The following DOCK8 variants were observed in gnomAD, a reference collection of about 807,000 sequenced individuals.
DOCK8 encodes dedicator of cytokinesis 8, also known as dedicator of cytokinesis protein 8.
A neutral mutation model predicts 245.6 loss-of-function variants in DOCK8; 141 were observed. That is an observed-to-expected ratio of 0.57 (90% CI 0.50 to 0.66). DOCK8 has a LOEUF of 0.66. Among genes scored for constraint, DOCK8 ranks in the 30% least tolerant of loss-of-function variants. The pLI is 0.00. For missense variants in DOCK8, 2,965 were observed against 2,603.4 expected, an observed-to-expected ratio of 1.14 and a Z score of -3.02; for synonymous variants, 1,168 against 970.2, an observed-to-expected ratio of 1.20 and a Z score of -3.79.
At chr9:354,944 C>T (rs933882712) in intron 14 of DOCK8, among the ~76,000 whole-genome samples, 28 of 152,076 alleles carry the variant, frequency 1.8e-4, no homozygotes, top group African/African-American at 3.6e-4. Flanking sequence ...ACATCAGAAG[C>T]GAGTCACTAG....
At chr9:273,768 A>G (rs1192463897) in intron 2 of DOCK8, among the ~76,000 whole-genome samples, 1 of 151,092 alleles carries the variant, frequency 6.6e-6, no homozygotes, top group Non-Finnish European at 1.5e-5. Flanking sequence ...GCTCATCGCA[A>G]CCTCTGCCTC....
chr9:408,861 AACACACACACAC>A (rs71314709), intron 28 of DOCK8, among the ~76,000 whole-genome samples: 11,857 of 147,468 alleles, frequency 0.08, 608 homozygotes, highest in East Asian at 0.17. Flanking sequence ...ACATTCTTCA[AACACACACACAC>A]ACACACACAC....
chr9:237,038 A>G (rs1265770997), intron 1 of DOCK8, among the ~76,000 whole-genome samples: 1 of 152,222 alleles, frequency 6.6e-6, no homozygotes, highest in East Asian at 1.9e-4. Context: ...CAGCAGGAAC[A>G]CTTCACTATG....
intron 32 of DOCK8, 70 bp downstream of exon 32, chr9:421,148 C>G (rs1564046314): frequency 1.4e-5 from 23 of 1,591,662 alleles, no homozygotes; most frequent in Non-Finnish European, 1.8e-5. Context: ...GGAATGTCCT[C>G]CCAACATGAT....
chr9:442,297 G>A (rs897325123), intron 42 of DOCK8, among the ~76,000 whole-genome samples: 3 of 152,182 alleles, frequency 2.0e-5, no homozygotes, highest in African/African-American at 4.8e-5. Flanking sequence ...TTCAATCAAG[G>A]TCATGTGCTT....
intron 37 of DOCK8, among the ~76,000 whole-genome samples, chr9:432,709 T>TG (rs1246400095): frequency 6.6e-6 from 1 of 152,104 alleles, no homozygotes; most frequent in Non-Finnish European, 1.5e-5. Context: ...CACTAAAGGC[T>TG]GGGGTAGGAT....
intron 22 of DOCK8, among the ~76,000 whole-genome samples, chr9:382,917 G>A (rs1438186556): frequency 6.6e-6 from 1 of 152,128 alleles, no homozygotes; most frequent in Admixed American, 6.5e-5. Context: ...AGCTTGGGTA[G>A]CAAAGTTTTA....
In DOCK8 at chr9:451,951, G is replaced by A. The variant is rs564112247; in HGVS notation, c.5962-60G>A. On this transcript the variant is annotated intron_variant, in intron 45 of 47. Transcript: ENST00000432829. ...TGTATGTGTATATATATATGTGTGT[G>A]TGTGTATATATATATATATATATAT... 0.052 allele frequency: 14,461 copies of A among 278,706 alleles called. 636 individuals carry two copies. The highest frequency in any genetic ancestry group is 0.16 in the African/African-American group (3,062 of 19,702). The allele number at this position is 278,706 out of a possible 1,614,324, so 17.3% of individuals were successfully genotyped here.
intron 2 of DOCK8, among the ~76,000 whole-genome samples, chr9:283,481 T>G (rs919506325): frequency 1.3e-5 from 2 of 152,186 alleles, no homozygotes; most frequent in Non-Finnish European, 2.9e-5. Flanking sequence ...AGTCTGGACT[T>G]TTAGTGTCTC....
At chr9:289,745 C>T (rs908374887) in intron 4 of DOCK8, among the ~76,000 whole-genome samples, 164 bp downstream of exon 4, 2 of 152,190 alleles carry the variant, frequency 1.3e-5, no homozygotes, top group African/African-American at 4.8e-5. Flanking sequence ...ATCACACACA[C>T]AGTTCCCCCT....
rs189576655 is a variant in DOCK8 at position 266,646 on chromosome 9, T to A, written c.54-4981T>A. On this transcript the variant is annotated intron_variant, in intron 1 of 47. Coordinates refer to ENST00000432829, the MANE Select transcript of DOCK8 (RefSeq NM_203447.4). The stretch of plus-strand genomic sequence containing the variant: ...GTTGTGGTTTGTAGTCCCAATTGTA[T>A]ATCATAATTATCTGCTGATCTGAAA... Among the ~76,000 whole-genome samples the A allele has an allele frequency of 3.5e-3, 536 of 152,284 alleles. 4 individuals carry two copies. Among genetic ancestry groups the A allele is most frequent in the African/African-American group, 0.012 (518 of 41,552 alleles).
At chr9:401,138 C>CACT (rs2055080414) in intron 26 of DOCK8, among the ~76,000 whole-genome samples, 1 of 132,406 alleles carries the variant, frequency 7.6e-6, no homozygotes, top group African/African-American at 4.1e-5. Flanking sequence ...TGTGGTTAGT[C>CACT]ACTTAGTGAC....
At position 452,014 on chromosome 9, in the gene DOCK8, C is replaced by G; in HGVS notation, c.5965C>G (p.Pro1989Ala). 1 of 1,469,746 alleles carries G rather than the reference C, an allele frequency of 6.8e-7. No homozygotes were observed. The highest frequency in any genetic ancestry group is 9.3e-7 in the Non-Finnish European group (1 of 1,078,694). The allele number at this position is 1,469,746 out of a possible 1,614,324, so 91.0% of individuals were successfully genotyped here. ...GSVGATVNQG[P>A]LEVAQVFLAE... is the part of the protein sequence containing the mutation. Reference sequence around the variant, plus strand: ...TTTTTTTTTTTTTTCCCACCAGGGACCACTGGAAGTAGCCCAAGTGTTTTT... The same window carrying G: ...TTTTTTTTTTTTTTCCCACCAGGGAGCACTGGAAGTAGCCCAAGTGTTTTT... Residue 1989 changes from proline to alanine, a missense_variant, in exon 46 of 48, where the codon CCA (proline) becomes GCA (alanine). Coordinates refer to ENST00000432829, the MANE Select transcript of DOCK8 (RefSeq NM_203447.4).
chr9:333,504 G>A (rs1335585955), intron 10 of DOCK8, among the ~76,000 whole-genome samples: 1 of 152,062 alleles, frequency 6.6e-6, no homozygotes, highest in Non-Finnish European at 1.5e-5. Context: ...AGGAGGCTGA[G>A]GCAGGAGAAT....
chr9:291,231 A>G (rs2049024314), intron 4 of DOCK8, among the ~76,000 whole-genome samples: 1 of 152,058 alleles, frequency 6.6e-6, no homozygotes, highest in Non-Finnish European at 1.5e-5. Context: ...CCACTTTTTC[A>G]TTTCTCATGG....
intron 22 of DOCK8, among the ~76,000 whole-genome samples, chr9:384,063 T>C (rs2053841900): frequency 6.6e-6 from 1 of 152,228 alleles, no homozygotes; most frequent in South Asian, 2.1e-4. Flanking sequence ...TATTACATTT[T>C]GCAGTCTTGC....
chr9:249,281 A>G (rs1336563), intron 1 of DOCK8, among the ~76,000 whole-genome samples: 4,018 of 151,148 alleles, frequency 0.027, 74 homozygotes, highest in South Asian at 0.049. Context: ...TTTGTCCAAC[A>G]ATAAACTCTG....
chr9:345,292 C>T (rs1340888177), intron 14 of DOCK8, among the ~76,000 whole-genome samples: 1 of 152,172 alleles, frequency 6.6e-6, no homozygotes, highest in Non-Finnish European at 1.5e-5. Flanking sequence ...GGATTCACCT[C>T]ATGAATTTGA....
chr9:217,326 G>A (rs1587599659), intron 1 of DOCK8, among the ~76,000 whole-genome samples: 1 of 152,202 alleles, frequency 6.6e-6, no homozygotes, highest in Admixed American at 6.5e-5. Flanking sequence ...AAGTTGGAGA[G>A]CTTCAGGCAG....
Sources: gnomAD v4.1 joint callset for allele counts (sites outside exome capture counted in the v4.1 genomes callset) on GRCh38, gnomAD v4.1.1 for gene constraint, MANE v1.5 for transcripts, NCBI Gene and HGNC (gene_info 2026-07-23, HGNC 2026-07-21) for gene names.